The following MYZAP variants were observed in gnomAD, a reference collection of about 807,000 sequenced individuals.
The protein encoded by MYZAP is GRINL1A complex locus upstream.
MYZAP carries 66 observed loss-of-function variants against 69.4 expected under a neutral mutation model. That is an observed-to-expected ratio of 0.95 (90% CI 0.78 to 1.17). MYZAP has a LOEUF of 1.17. Ranked by LOEUF, MYZAP falls within the 50% of genes most tolerant of loss-of-function variation. MYZAP has a pLI of 0.00. For synonymous variants in MYZAP, 256 were observed against 205.9 expected, an observed-to-expected ratio of 1.24 and a Z score of -2.09; for missense variants, 611 against 556.2, an observed-to-expected ratio of 1.10 and a Z score of -0.99.
At chr15:57,678,992 C>T (rs1419111949) in intron 12 of MYZAP, among the ~76,000 whole-genome samples, 1 of 152,060 alleles carries the variant, frequency 6.6e-6, no homozygotes, top group African/African-American at 2.4e-5. Flanking sequence ...GCCTGACCAA[C>T]ATGGAGAAAC....
chr15:57,598,383 G>A (rs79875832), intron 1 of MYZAP, among the ~76,000 whole-genome samples: 2,664 of 152,316 alleles, frequency 0.017, 37 homozygotes, highest in Middle Eastern at 0.041. Flanking sequence ...ACTCCAGGGA[G>A]TTTCAGGTAT....
chr15:57,615,434 C>G (rs1305937059), intron 2 of MYZAP, among the ~76,000 whole-genome samples: 1 of 152,190 alleles, frequency 6.6e-6, no homozygotes, highest in Non-Finnish European at 1.5e-5. Context: ...TTGTGTTTTC[C>G]CTGCTCCGTG....
chr15:57,625,195 T>G (rs1288095328), intron 4 of MYZAP, among the ~76,000 whole-genome samples: 3 of 152,120 alleles, frequency 2.0e-5, no homozygotes, highest in African/African-American at 7.2e-5. Context: ...TGCCTCAGCC[T>G]TCCACGAAGC....
intron 12 of MYZAP, among the ~76,000 whole-genome samples, chr15:57,676,059 G>T (rs1419593497): frequency 1.3e-5 from 2 of 152,062 alleles, no homozygotes; most frequent in African/African-American, 2.4e-5. Flanking sequence ...GGAATACCTG[G>T]TTCTTGTCCT....
At chr15:57,638,081 A>T (rs1356050080) in intron 9 of MYZAP, among the ~76,000 whole-genome samples, 2 of 152,220 alleles carry the variant, frequency 1.3e-5, no homozygotes, top group African/African-American at 4.8e-5. Context: ...CTTGTTGATG[A>T]GAAAACTCAT....
At chr15:57,597,978 A>G (rs1391484688) in intron 1 of MYZAP, among the ~76,000 whole-genome samples, 2 of 152,216 alleles carry the variant, frequency 1.3e-5, no homozygotes, top group African/African-American at 4.8e-5. Flanking sequence ...ACAGTCACAA[A>G]GTGGAACAGG....
intron 10 of MYZAP, among the ~76,000 whole-genome samples, chr15:57,640,783 A>G (rs1275884189): frequency 1.3e-5 from 2 of 152,198 alleles, no homozygotes; most frequent in East Asian, 1.9e-4. Flanking sequence ...TGTACATCTT[A>G]TATTGGTTCA....
At chr15:57,659,644 A>T (rs2038181501) in intron 10 of MYZAP, among the ~76,000 whole-genome samples, 1 of 152,206 alleles carries the variant, frequency 6.6e-6, no homozygotes, top group Admixed American at 6.5e-5. Flanking sequence ...ATCCACTAAG[A>T]ATATTGAGTC....
At chr15:57,667,269 A>G (rs2038622997) in intron 11 of MYZAP, among the ~76,000 whole-genome samples, 1 of 152,232 alleles carries the variant, frequency 6.6e-6, no homozygotes, top group Non-Finnish European at 1.5e-5. Flanking sequence ...TATGTGCTAC[A>G]GCCCCCGAGC....
At chr15:57,649,175 A>T (rs1356458743) in intron 10 of MYZAP, among the ~76,000 whole-genome samples, 1 of 152,126 alleles carries the variant, frequency 6.6e-6, no homozygotes, top group African/African-American at 2.4e-5. Context: ...ATTCTTTTAC[A>T]AACAATACCA....
At chr15:57,645,675 C>A (rs1315971522) in intron 10 of MYZAP, among the ~76,000 whole-genome samples, 8 of 151,890 alleles carry the variant, frequency 5.3e-5, no homozygotes, top group Admixed American at 5.3e-4. Context: ...GCTGTGTATA[C>A]CTAAAGTTAA....
At chr15:57,612,845 C>T (rs1332704953) in intron 2 of MYZAP, among the ~76,000 whole-genome samples, 1 of 152,194 alleles carries the variant, frequency 6.6e-6, no homozygotes, top group African/African-American at 2.4e-5. Context: ...AGAGATTCTG[C>T]GTATGTGTTG....
intron 1 of MYZAP, among the ~76,000 whole-genome samples, chr15:57,593,170 T>C (rs560594028): frequency 6.4e-4 from 36 of 56,364 alleles, no homozygotes; most frequent in African/African-American, 2.7e-3. Context: ...ACCAGACACT[T>C]AGGTTGTGTA....
At position 57,618,135 on chromosome 15, in the gene MYZAP, G is replaced by T. The variant is rs138712430; in HGVS notation, c.265G>T (p.Val89Leu). Reference protein sequence around the residue: ...SDQNQQKEMVVYGWSTSQLKE... With the variant: ...SDQNQQKEMVLYGWSTSQLKE... ...TCAAAATCAGCAGAAAGAAATGGTG[G>T]TGTATGGGTGGTCCACCAGTCAGCT... The change falls in exon 3 of 13, where the codon GTG becomes TTG. Residue 89 changes from valine (V) to leucine (L), a missense_variant. Transcript: ENST00000267853. 4.3e-6 allele frequency: 7 copies of T among 1,614,192 alleles called. No individual in the cohort carries two copies. The highest frequency in any genetic ancestry group is 2.2e-5 in the South Asian group (2 of 91,080).
chr15:57,616,821 G>GTTTTTTTTTT (rs1595870389), intron 2 of MYZAP, among the ~76,000 whole-genome samples: 3 of 53,316 alleles, frequency 5.6e-5, no homozygotes, highest in Non-Finnish European at 6.8e-5. Context: ...AAAAAAAAGT[G>GTTTTTTTTTT]CTTTTTTTTT....
intron 1 of MYZAP, among the ~76,000 whole-genome samples, chr15:57,601,369 G>A (rs1027876320): frequency 6.6e-6 from 1 of 151,846 alleles, no homozygotes; most frequent in Non-Finnish European, 1.5e-5. Context: ...CAGCCTAATA[G>A]GAGATTGTTG....
chr15:57,603,630 A>T (rs1009205884), intron 1 of MYZAP, among the ~76,000 whole-genome samples: 4 of 152,180 alleles, frequency 2.6e-5, no homozygotes, highest in Non-Finnish European at 5.9e-5. Flanking sequence ...TAGTGTCTTC[A>T]AGGTTTATCC....
chr15:57,625,233 C>T (rs1303112203), intron 4 of MYZAP, among the ~76,000 whole-genome samples: 2 of 152,050 alleles, frequency 1.3e-5, no homozygotes, highest in Non-Finnish European at 2.9e-5. Flanking sequence ...GTCACCATGC[C>T]TGGCTAATTT....
At chr15:57,603,970 A>C (rs2131738) in intron 1 of MYZAP, among the ~76,000 whole-genome samples, 53,443 of 152,112 alleles carry the variant, frequency 0.35, 9,689 homozygotes, top group East Asian at 0.56. Context: ...GTGAAATGAG[A>C]TCATTCTATA....
Sources: gnomAD v4.1 joint callset for allele counts (sites outside exome capture counted in the v4.1 genomes callset) on GRCh38, gnomAD v4.1.1 for gene constraint, MANE v1.5 for transcripts, NCBI Gene and HGNC (gene_info 2026-07-23, HGNC 2026-07-21) for gene names.